The following MGAT4B variants were observed in gnomAD, a reference collection of about 807,000 sequenced individuals.
MGAT4B encodes the protein alpha-1,3-mannosyl-glycoprotein 4-beta-N-acetylglucosaminyltransferase B.
MGAT4B carries 38 observed loss-of-function variants against 73.9 expected under a neutral mutation model. The ratio of observed to expected loss-of-function variants is 0.51; its 90% CI spans 0.40 to 0.67. The LOEUF (loss-of-function observed/expected upper bound fraction) is 0.67, where lower values mean the gene tolerates loss of function less well. Among genes scored for constraint, MGAT4B ranks in the 30% least tolerant of loss-of-function variants. MGAT4B has a pLI of 0.00. For synonymous variants in MGAT4B, 373 were observed against 313.5 expected, an observed-to-expected ratio of 1.19 and a Z score of -2.01; for missense variants, 686 against 735.2, an observed-to-expected ratio of 0.93 and a Z score of 0.77.
Position 179,799,034 on chromosome 5 carries a change from A to C in MGAT4B, c.1237T>G (p.Phe413Val). 6.2e-7 allele frequency: 1 copy of C among 1,613,954 alleles called. No homozygotes were observed. Among genetic ancestry groups the C allele is most frequent in the Non-Finnish European group, 8.5e-7 (1 of 1,180,018 alleles). ...CGCAGGTAGGCTTTCTCCAGGGTGA[A>C]GTGCTGGTATGTCTTCAGGCTCGTG... ...VSTSLKTYQH[F>V]TLEKAYLRED... The change falls in exon 11 of 15, where the codon TTC (phenylalanine) becomes GTC (valine). Residue 413 changes from phenylalanine to valine, a missense_variant. Phe to Val is a conservative substitution (Grantham distance 50). This residue lies in a region of MGAT4B where 449 missense variants were observed against 536.8 expected (regional missense o/e 0.84). Coordinates refer to ENST00000292591, the MANE Select transcript of MGAT4B (RefSeq NM_014275.5).
In MGAT4B at chr5:179,799,273, C is replaced by T. The variant is rs372095861; in HGVS notation, c.1079G>A (p.Arg360His). The change falls in exon 10 of 15, where the codon CGC becomes CAC. Residue 360 changes from arginine to histidine, a missense_variant. Coordinates refer to ENST00000292591, the MANE Select transcript of MGAT4B (RefSeq NM_014275.5). Reference protein sequence around the residue: ...CDRQKANLRIRFKPSLFQHVG... With the variant: ...CDRQKANLRIHFKPSLFQHVG... The stretch of plus-strand genomic sequence containing the variant: ...GTGCTGGAAGAGGGACGGTTTGAAG[C>T]GGATCCGCAGGTTGGCTTTCTGCCG... The T allele has an allele frequency of 1.8e-5, 29 of 1,613,814 alleles. No individual in the cohort carries two copies. Among genetic ancestry groups the T allele is most frequent in the Non-Finnish European group, 2.5e-5 (29 of 1,180,022 alleles).
Position 179,801,229 on chromosome 5 carries a change from A to C in MGAT4B, c.558+105T>G, listed in dbSNP as rs1756910185. 7.0e-7 allele frequency: 1 copy of C among 1,434,650 alleles called. No individual in the cohort carries two copies. Among genetic ancestry groups the C allele is most frequent in the African/African-American group, 1.4e-5 (1 of 70,542 alleles). The allele number at this position is 1,434,650 out of a possible 1,614,324, so 88.9% of individuals were successfully genotyped here. ...CGGAGCATTTGCGAATGAAACTAGC[A>C]ACTGAACTTCCGACAGCTTTCTCCT... On this transcript the variant is annotated intron_variant, in intron 4 of 14. Coordinates refer to ENST00000292591, the MANE Select transcript of MGAT4B (RefSeq NM_014275.5). This position sits in a 1 kb window ranked among gnomAD's most constrained non-coding sequence, Gnocchi z 4.8.
In MGAT4B at chr5:179,800,606, C is replaced by G; in HGVS notation, c.606-9G>C. On this transcript the variant is annotated splice_polypyrimidine_tract_variant and intron_variant, in intron 5 of 14. Transcript: ENST00000292591. Reference sequence around the variant, plus strand: ...GGATCTCCGTGGGGAACCTGGGGGACGGGAAGGCCTAGTCCGTATGCAGCC... The same window carrying G: ...GGATCTCCGTGGGGAACCTGGGGGAGGGGAAGGCCTAGTCCGTATGCAGCC... The G allele has an allele frequency of 6.4e-7, 1 of 1,571,742 alleles. No individual in the cohort carries two copies. The highest frequency in any genetic ancestry group is 8.7e-7 in the Non-Finnish European group (1 of 1,146,660).
Position 179,797,962 on chromosome 5 carries a change from G to T in MGAT4B, c.*83C>A. On this transcript the variant is annotated 3_prime_UTR_variant, in exon 15 of 15. Coordinates refer to ENST00000292591, the MANE Select transcript of MGAT4B (RefSeq NM_014275.5). ...GAACCCTTTGGGCGGGGCCGTATCT[G>T]GCCCTCCGGGGACGGCAGTGACGAC... 6.6e-7 allele frequency: 1 copy of T among 1,521,324 alleles called. No homozygotes were observed. The highest frequency in any genetic ancestry group is 8.9e-7 in the Non-Finnish European group (1 of 1,118,592). The allele number at this position is 1,521,324 out of a possible 1,614,324, so 94.2% of individuals were successfully genotyped here. A position where few individuals can be genotyped will look rare whatever the true frequency, so the allele number is the denominator to read the frequency against.
chr5:179,800,038 A>C lies in MGAT4B; in HGVS notation c.826T>G (p.Tyr276Asp). The C allele has an allele frequency of 6.2e-7, 1 of 1,614,024 alleles. No homozygotes were observed. ...LEDDIVAKPN[Y>D]LSTMKNFALQ... is the part of the protein sequence containing the mutation. Reference sequence around the variant, plus strand: ...GCAAAGTTCTTCATGGTGCTCAGGTAGTTGGGCTTGGCCACGATGTCATCC... The same window carrying C: ...GCAAAGTTCTTCATGGTGCTCAGGTCGTTGGGCTTGGCCACGATGTCATCC... The change falls in exon 8 of 15, where the codon TAC becomes GAC. Residue 276 changes from tyrosine to aspartate, a missense_variant. Around this residue, in one of 2 missense-constraint regions of MGAT4B, gnomAD observed 449 missense variants for 536.8 expected, o/e 0.84. Transcript: ENST00000292591.
At chr5:179,805,655 C>T (rs1256619768) in intron 1 of MGAT4B, among the ~76,000 whole-genome samples, 1 of 152,260 alleles carries the variant, frequency 6.6e-6, no homozygotes, top group Non-Finnish European at 1.5e-5. Context: ...GACAGGGAAA[C>T]AGGGAAGCAG....
Position 179,800,001 on chromosome 5 carries a change from G to A in MGAT4B, c.863C>T (p.Pro288Leu). 1 of 1,614,032 alleles carries A rather than the reference G, an allele frequency of 6.2e-7. No individual in the cohort carries two copies. Among genetic ancestry groups the A allele is most frequent in the South Asian group, 1.1e-5 (1 of 91,086 alleles). ...CTCCAGGATCATCCAGTCCTCTGAA[G>A]GCTGCTGCAGTGCAAAGTTCTTCAT... Reference protein sequence around the residue: ...STMKNFALQQPSEDWMILEFS... With the variant: ...STMKNFALQQLSEDWMILEFS... Residue 288 changes from proline (P) to leucine (L), a missense_variant, in exon 8 of 15, where the codon CCT (proline) becomes CTT (leucine). By Grantham distance (98) the Pro-to-Leu change is moderately conservative. Around this residue, in one of 2 missense-constraint regions of MGAT4B, gnomAD observed 449 missense variants for 536.8 expected, o/e 0.84. Coordinates refer to ENST00000292591, the MANE Select transcript of MGAT4B (RefSeq NM_014275.5).
rs973155282 is a variant in MGAT4B, at chr5:179,798,338, C to T, written c.1510+9G>A. 1.9e-6 allele frequency: 3 copies of T among 1,613,018 alleles called. No individual in the cohort carries two copies. The highest frequency in any genetic ancestry group is 1.3e-5 in the African/African-American group (1 of 74,952). On this transcript the variant is annotated intron_variant, in intron 13 of 14. Coordinates refer to ENST00000292591, the MANE Select transcript of MGAT4B (RefSeq NM_014275.5). Reference sequence around the variant, plus strand: ...CCCCAGCCCACGCTCTCCCCCAAACCCTACCCACCGATCTGGAGGTAGCCG... The same window carrying T: ...CCCCAGCCCACGCTCTCCCCCAAACTCTACCCACCGATCTGGAGGTAGCCG...
intron 1 of MGAT4B, among the ~76,000 whole-genome samples, chr5:179,804,297 T>G (rs1757055247): frequency 6.6e-6 from 1 of 151,984 alleles, no homozygotes; most frequent in Admixed American, 6.6e-5. Context: ...TGCATGTGTG[T>G]GGCAGGTGTC....
rs770488972 is a variant in MGAT4B, at chr5:179,806,610, C to T, written c.-27G>A. 6.7e-6 allele frequency: 8 copies of T among 1,194,858 alleles called. No individual in the cohort carries two copies. Among genetic ancestry groups the T allele is most frequent in the Non-Finnish European group, 8.6e-6 (8 of 932,600 alleles). The allele number at this position is 1,194,858 out of a possible 1,614,324, so 74.0% of individuals were successfully genotyped here. A position where few individuals can be genotyped will look rare whatever the true frequency, so the allele number is the denominator to read the frequency against. ...TCCTCGGGTGCGCGGCGGGCGCCCGCGGGGCCGAGGCTGCATGGCCCGGGG... is the reference window on the plus strand; with the variant it reads ...TCCTCGGGTGCGCGGCGGGCGCCCGTGGGGCCGAGGCTGCATGGCCCGGGG... On this transcript the variant is annotated 5_prime_UTR_variant, in exon 1 of 15. Coordinates refer to ENST00000292591, the MANE Select transcript of MGAT4B (RefSeq NM_014275.5). The surrounding 1 kb of genome is among the most constrained non-coding windows in gnomAD (Gnocchi z 4.6).
chr5:179,805,916 G>A (rs1226624326), intron 1 of MGAT4B, among the ~76,000 whole-genome samples: 1 of 152,164 alleles, frequency 6.6e-6, no homozygotes, highest in Admixed American at 6.5e-5. Context: ...CTCGGGGTGC[G>A]GAGGACGGGC....
rs769785224 is a variant in MGAT4B, at chr5:179,801,536, C to G, written c.424+18G>C. ...ACCCGTCCCCCCACCCCGTGCTCCT[C>G]CCTGTCTGCGCCCATACCTCCGGTG... On this transcript the variant is annotated intron_variant, in intron 3 of 14. Transcript: ENST00000292591. This position sits in a 1 kb window ranked among gnomAD's most constrained non-coding sequence, Gnocchi z 4.8. 1 of 1,605,796 alleles carries G rather than the reference C, an allele frequency of 6.2e-7. No homozygotes were observed. The highest frequency in any genetic ancestry group is 8.5e-7 in the Non-Finnish European group (1 of 1,175,398).
intron 6 of MGAT4B, 27 bp from the exon 7 acceptor site, chr5:179,800,286 G>A: frequency 2.5e-6 from 4 of 1,611,640 alleles, no homozygotes; most frequent in Non-Finnish European, 3.4e-6. Flanking sequence ...GGCCTCAGAA[G>A]TTCAGACCCC....
chr5:179,798,412 G>A lies in MGAT4B; in HGVS notation c.1445C>T (p.Ala482Val), dbSNP rs774529356. 1 of 1,612,618 alleles carries A rather than the reference G, an allele frequency of 6.2e-7. No individual in the cohort carries two copies. The highest frequency in any genetic ancestry group is 1.1e-5 in the South Asian group (1 of 91,016). ...GGTGGCGGTGCGGCCCTCCTGCAGG[G>A]CCTCCTTGTCTGACTGAGGGTTCTG... The part of the protein sequence containing the change: ...PFDNPQSDKE[A>V]LQEGRTATLR... The change falls in exon 13 of 15, where the codon GCC becomes GTC. Residue 482 changes from alanine (A) to valine (V), a missense_variant. By Grantham distance (64) the Ala-to-Val change is moderately conservative. This residue lies in a region of MGAT4B where 449 missense variants were observed against 536.8 expected (regional missense o/e 0.84). Coordinates refer to ENST00000292591, the MANE Select transcript of MGAT4B (RefSeq NM_014275.5).
At position 179,801,946 on chromosome 5, in the gene MGAT4B, G is replaced by A. The variant is rs997280800; in HGVS notation, c.121C>T (p.Arg41Trp). ...QKGDVVDVYQ[R>W]EFLALRDRLH... Reference sequence around the variant, plus strand: ...CGATCGCGCAGCGCCAGGAACTCCCGCTGGTAAACGTCCACAACGTCGCCT... The same window carrying A: ...CGATCGCGCAGCGCCAGGAACTCCCACTGGTAAACGTCCACAACGTCGCCT... The change falls in exon 2 of 15, where the codon CGG becomes TGG. Residue 41 changes from arginine (R) to tryptophan (W), a missense_variant. Transcript: ENST00000292591. The surrounding 1 kb of genome is among the most constrained non-coding windows in gnomAD (Gnocchi z 4.8). 6 of 1,613,270 alleles carry A rather than the reference G, an allele frequency of 3.7e-6. No individual in the cohort carries two copies. Among genetic ancestry groups the A allele is most frequent in the African/African-American group, 2.7e-5 (2 of 74,944 alleles).
At chr5:179,803,975 C>T (rs1181645216) in intron 1 of MGAT4B, among the ~76,000 whole-genome samples, 2 of 152,240 alleles carry the variant, frequency 1.3e-5, no homozygotes, top group South Asian at 2.1e-4. Context: ...CTATAACCCT[C>T]GGGAGCTGGG....
intron 5 of MGAT4B, 39 bp downstream of exon 5, chr5:179,800,868 C>T: frequency 6.2e-7 from 1 of 1,608,678 alleles, no homozygotes; most frequent in Admixed American, 1.7e-5. Flanking sequence ...CCGCACCGAG[C>T]TCTCCCGCCA....
In MGAT4B at chr5:179,801,703, G is replaced by A; in HGVS notation, c.284-9C>T. On this transcript the variant is annotated splice_polypyrimidine_tract_variant and intron_variant, in intron 2 of 14. Transcript: ENST00000292591. This position sits in a 1 kb window ranked among gnomAD's most constrained non-coding sequence, Gnocchi z 4.8. ...CTTCAATCGGGGGTCCTCTGGGTGG[G>A]TCGGGAAGGATCGGGACTGAGACCA... is the stretch of plus-strand genomic sequence containing the variant. 1 of 1,607,112 alleles carries A rather than the reference G, an allele frequency of 6.2e-7. No individual in the cohort carries two copies. Among genetic ancestry groups the A allele is most frequent in the Middle Eastern group, 1.7e-4 (1 of 6,046 alleles).
chr5:179,797,862 G>T lies in MGAT4B; in HGVS notation c.*183C>A. The T allele has an allele frequency of 1.2e-6, 1 of 810,526 alleles. No individual in the cohort carries two copies. The highest frequency in any genetic ancestry group is 1.9e-5 in the South Asian group (1 of 52,692). 50.2% of individuals were successfully genotyped at this position (810,526 alleles called of 1,614,324 possible). A position where few individuals can be genotyped will look rare whatever the true frequency, so the allele number is the denominator to read the frequency against. ...GCCTGCCTCCTCCGCGGCCCGGCGG[G>T]CGGGGGCAGCACCAGCTCCTAGGGC... On this transcript the variant is annotated 3_prime_UTR_variant, in exon 15 of 15. Coordinates refer to ENST00000292591, the MANE Select transcript of MGAT4B (RefSeq NM_014275.5).
Sources: gnomAD v4.1 joint callset for allele counts (sites outside exome capture counted in the v4.1 genomes callset) on GRCh38, gnomAD v4.1.1 for gene constraint, gnomAD v4.1.1 regional missense constraint, Gnocchi (gnomAD v3.1) non-coding constraint, MANE v1.5 for transcripts, NCBI Gene and HGNC (gene_info 2026-07-23, HGNC 2026-07-21) for gene names.